The following CEP63 variants were observed in gnomAD, a reference collection of about 807,000 sequenced individuals.
CEP63 encodes the protein centrosomal protein 63, also known as centrosomal protein of 63 kDa.
In CEP63, 84 loss-of-function variants were observed where a neutral mutation model predicts 89.1. That is an observed-to-expected ratio of 0.94 (90% CI 0.79 to 1.13). The LOEUF (loss-of-function observed/expected upper bound fraction) is 1.13, where lower values mean the gene tolerates loss of function less well. Among genes scored for constraint, CEP63 ranks in the 50% most tolerant of loss-of-function variants. CEP63 has a pLI of 0.00. For missense variants in CEP63, 838 were observed against 813.3 expected (o/e 1.03, Z -0.37); for synonymous variants, 267 against 272.5 (o/e 0.98, Z 0.20).
the CEP63 span, chr3:134,610,857 G>T: frequency 6.5e-6 from 1 of 154,118 alleles, no homozygotes; most frequent in Non-Finnish European, 1.4e-5. Context: ...TGCGACTGAA[G>T]AGATGGGTCT....
the CEP63 span, among the ~76,000 whole-genome samples, chr3:134,659,660 G>C: frequency 6.6e-6 from 1 of 152,232 alleles, no homozygotes; most frequent in African/African-American, 2.4e-5. Flanking sequence ...AGTGGTGGGA[G>C]CCCCGAGAGA....
the CEP63 span, among the ~76,000 whole-genome samples, chr3:134,764,427 C>G: frequency 8.4e-3 from 1,286 of 152,226 alleles, 15 homozygotes; most frequent in African/African-American, 0.028. Context: ...AAAAATAATT[C>G]TGACCCTTGT....
the CEP63 span, among the ~76,000 whole-genome samples, chr3:134,613,608 G>A: frequency 1.3e-5 from 2 of 152,200 alleles, no homozygotes; most frequent in Admixed American, 6.5e-5. Flanking sequence ...TCTCTGACAG[G>A]CTGAGGAGAA....
the CEP63 span, among the ~76,000 whole-genome samples, chr3:134,690,343 T>C: frequency 6.6e-6 from 1 of 152,228 alleles, no homozygotes; most frequent in Non-Finnish European, 1.5e-5. Context: ...CAAGTTGTTA[T>C]GGAAGTTTCT....
chr3:134,532,881 G>T lies in CEP63; in HGVS notation c.422G>T (p.Arg141Met). The change falls in exon 5 of 15, where the codon AGG becomes ATG. Residue 141 changes from arginine (R) to methionine (M), a missense_variant. Transcript: ENST00000675561. The stretch of plus-strand genomic sequence containing the variant: ...AGGGAAGATCGGTCTGAAATTGAGA[G>T]GTTAACTGCAAAAATAGAGGTATGT... ...NHREDRSEIE[R>M]LTAKIEEFRQ... 1 of 1,613,732 alleles carries T rather than the reference G, an allele frequency of 6.2e-7. No homozygotes were observed. Among genetic ancestry groups the T allele is most frequent in the Non-Finnish European group, 8.5e-7 (1 of 1,179,806 alleles).
chr3:134,679,030 T>C, the CEP63 span, among the ~76,000 whole-genome samples: 18 of 150,806 alleles, frequency 1.2e-4, no homozygotes, highest in African/African-American at 3.6e-4. Flanking sequence ...ACCCATTGTA[T>C]ACTGGGTGTT....
At chr3:134,515,182 T>C (rs1198876772) in intron 3 of CEP63, among the ~76,000 whole-genome samples, 3 of 152,260 alleles carry the variant, frequency 2.0e-5, no homozygotes, top group East Asian at 1.9e-4. Flanking sequence ...TAAAAGTATA[T>C]ATTAGTAGAG....
chr3:134,687,239 A>G, the CEP63 span, among the ~76,000 whole-genome samples: 6 of 152,086 alleles, frequency 3.9e-5, no homozygotes, highest in African/African-American at 1.4e-4. Flanking sequence ...TAGAACACAC[A>G]TTTTCTGATA....
chr3:134,520,953 C>T (rs1947308638), intron 3 of CEP63, among the ~76,000 whole-genome samples: 1 of 151,986 alleles, frequency 6.6e-6, no homozygotes, highest in Admixed American at 6.5e-5. Flanking sequence ...ATCTTAGTGC[C>T]TTGGAGTAGG....
the CEP63 span, among the ~76,000 whole-genome samples, chr3:134,698,317 A>G: frequency 6.6e-6 from 1 of 152,236 alleles, no homozygotes; most frequent in Admixed American, 6.5e-5. Context: ...GAGCTGGCAA[A>G]GGGGCATGCC....
At chr3:134,499,006 G>C (rs1022490084) in intron 2 of CEP63, among the ~76,000 whole-genome samples, 2 of 152,142 alleles carry the variant, frequency 1.3e-5, no homozygotes, top group Non-Finnish European at 2.9e-5. Flanking sequence ...GTCTTCTTTT[G>C]TTGTGTCCTT....
chr3:134,544,764 G>T (rs1345754225), intron 6 of CEP63, among the ~76,000 whole-genome samples: 4 of 151,854 alleles, frequency 2.6e-5, no homozygotes, highest in African/African-American at 9.7e-5. Context: ...TTCCAGCCAG[G>T]TTGCGGTTGA....
intron 12 of CEP63, among the ~76,000 whole-genome samples, chr3:134,557,112 C>T (rs1336299902): frequency 6.6e-6 from 1 of 151,976 alleles, no homozygotes; most frequent in Non-Finnish European, 1.5e-5. Context: ...AATAAATTAC[C>T]TAATTATCTT....
At chr3:134,647,745 T>G in the CEP63 span, among the ~76,000 whole-genome samples, 1 of 152,176 alleles carries the variant, frequency 6.6e-6, no homozygotes. Context: ...AGGGAGAATT[T>G]TTGTAGTACA....
the CEP63 span, among the ~76,000 whole-genome samples, chr3:134,635,708 A>G: frequency 6.6e-6 from 1 of 152,104 alleles, no homozygotes; most frequent in Admixed American, 6.5e-5. Context: ...ACTACACACT[A>G]CAAACATTCG....
intron 3 of CEP63, chr3:134,511,165 G>A (rs1944831766): frequency 5.9e-6 from 1 of 168,842 alleles, no homozygotes; most frequent in African/African-American, 2.4e-5. Context: ...TAGCAGTTTA[G>A]AGGGTAATGG....
chr3:134,605,772 A>T, the CEP63 span, among the ~76,000 whole-genome samples: 4 of 151,332 alleles, frequency 2.6e-5, no homozygotes, highest in South Asian at 6.3e-4. Flanking sequence ...GAGGCCTCTC[A>T]GACCTTGGAG....
chr3:134,557,295 C>A (rs1278965469), intron 12 of CEP63, among the ~76,000 whole-genome samples: 2 of 148,342 alleles, frequency 1.3e-5, no homozygotes, highest in Non-Finnish European at 3.0e-5. Flanking sequence ...AGATAGTTCA[C>A]AGGTATATTT....
chr3:134,780,722 TTCTC>T, the CEP63 span: 1 of 152,224 alleles, frequency 6.6e-6, no homozygotes, highest in Non-Finnish European at 1.5e-5. Context: ...TGCAGATAGT[TTCTC>T]TCAGTGTATG....
Sources: allele counts gnomAD v4.1 joint callset (sites outside exome capture counted in the v4.1 genomes callset), GRCh38; gene constraint gnomAD v4.1.1; transcripts MANE v1.5; gene names NCBI Gene and HGNC (gene_info 2026-07-23, HGNC 2026-07-21).